RIMS4: variants seen among roughly 807,000 people sequenced by gnomAD.
The protein encoded by RIMS4 is regulating synaptic membrane exocytosis 4, also known as regulating synaptic membrane exocytosis protein 4.
RIMS4 carries 9 observed loss-of-function variants against 29.0 expected under a neutral mutation model. The observed-to-expected ratio is 0.31, with a 90% CI of 0.19 to 0.54. The LOEUF is 0.54. Ranked by LOEUF, RIMS4 falls within the 20% of genes least tolerant of loss-of-function variation. RIMS4 has a pLI of 0.94. For synonymous variants in RIMS4, 130 were observed against 152.9 expected (o/e 0.85, Z 1.10); for missense variants, 193 against 365.7 (o/e 0.53, Z 3.85).
At chr20:44,772,194 C>G (rs1195477187) in intron 1 of RIMS4, among the ~76,000 whole-genome samples, 1 of 152,154 alleles carries the variant, frequency 6.6e-6, no homozygotes, top group Non-Finnish European at 1.5e-5. Context: ...CAAACATCAT[C>G]TTATCCAAGA....
At chr20:44,771,832 C>A (rs1306180228) in intron 1 of RIMS4, among the ~76,000 whole-genome samples, 1 of 152,140 alleles carries the variant, frequency 6.6e-6, no homozygotes, top group Non-Finnish European at 1.5e-5. Flanking sequence ...GCAGTAGGGG[C>A]TGCCCTGGGC....
intron 2 of RIMS4, among the ~76,000 whole-genome samples, chr20:44,762,608 A>G (rs1299427795): frequency 6.6e-6 from 1 of 152,160 alleles, no homozygotes; most frequent in African/African-American, 2.4e-5. Flanking sequence ...AGGCCTGGTA[A>G]TTAGCGGTAA....
chr20:44,763,945 C>A (rs1325197995), intron 2 of RIMS4, among the ~76,000 whole-genome samples: 1 of 151,966 alleles, frequency 6.6e-6, no homozygotes, highest in Non-Finnish European at 1.5e-5. Flanking sequence ...TACATGCTCA[C>A]CTATCCATCC....
chr20:44,789,721 GA>G (rs2066224711), intron 1 of RIMS4, among the ~76,000 whole-genome samples: 1 of 152,144 alleles, frequency 6.6e-6, no homozygotes, highest in African/African-American at 2.4e-5. Context: ...ACATCTGGCT[GA>G]GTTTTATTTA....
At position 44,756,724 on chromosome 20, in the gene RIMS4, T is replaced by C. The variant is rs1387383336; in HGVS notation, c.591+174A>G. Among the ~76,000 whole-genome samples, 2 of 152,054 alleles carry C rather than the reference T, an allele frequency of 1.3e-5. No homozygotes were observed. Among genetic ancestry groups the C allele is most frequent in the African/African-American group, 4.8e-5 (2 of 41,410 alleles). On this transcript the variant is annotated intron_variant, in intron 5 of 5. Transcript: ENST00000372851. This position sits in a 1 kb window ranked among gnomAD's most constrained non-coding sequence, Gnocchi z 5.9. ...GGTCAGAAGGGAACTTGTTCAAAGT[T>C]GTGCAGTAAGTTGTGGAGCTCAGTT...
intron 1 of RIMS4, among the ~76,000 whole-genome samples, chr20:44,805,779 G>C (rs973322425): frequency 6.6e-6 from 1 of 152,174 alleles, no homozygotes; most frequent in Non-Finnish European, 1.5e-5. Context: ...AATAAAGGGG[G>C]AGGGGGAGAA....
rs1233888580 is a variant in RIMS4 at position 44,810,513 on chromosome 20, CGGTGGCGGCGGCGGT to C, written c.-257_-243del. ...CTGCTGGCGGCGGCGGCGGCGGCGGCGGTGGCGGCGGCGGTGGCGGCGCAGCGCGCTCTGGTCCGC... is the reference window on the plus strand; with the variant it reads ...CTGCTGGCGGCGGCGGCGGCGGCGGCGGCGGCGCAGCGCGCTCTGGTCCGC... On this transcript the variant is annotated 5_prime_UTR_variant, in exon 1 of 6. Coordinates refer to ENST00000372851, the MANE Select transcript of RIMS4 (RefSeq NM_182970.4). Among the ~76,000 whole-genome samples the C allele has an allele frequency of 7.1e-6, 1 of 141,082 alleles. No homozygotes were observed. Among genetic ancestry groups the C allele is most frequent in the Admixed American group, 7.1e-5 (1 of 14,178 alleles). 92.6% of individuals were successfully genotyped at this position (141,082 alleles called of 152,430 possible). A position where few individuals can be genotyped will look rare whatever the true frequency, so the allele number is the denominator to read the frequency against.
At chr20:44,762,748 G>A (rs999415231) in intron 2 of RIMS4, among the ~76,000 whole-genome samples, 1 of 152,180 alleles carries the variant, frequency 6.6e-6, no homozygotes, top group Non-Finnish European at 1.5e-5. Context: ...GGAGGAAGGA[G>A]GAATAAAGTG....
chr20:44,792,741 T>G (rs1185695071), intron 1 of RIMS4, among the ~76,000 whole-genome samples: 2 of 152,218 alleles, frequency 1.3e-5, no homozygotes, highest in Admixed American at 6.5e-5. Flanking sequence ...TCAGAATACC[T>G]GGCATATATG....
intron 4 of RIMS4, 100 bp downstream of exon 4, chr20:44,757,570 A>G (rs2066066086): frequency 1.0e-6 from 1 of 954,694 alleles, no homozygotes; most frequent in Admixed American, 1.8e-5. Context: ...GGGGGTCCCC[A>G]CAGTTGGGCC....
Position 44,756,160 on chromosome 20 carries a change from C to A in RIMS4, c.784G>T (p.Val262Leu). The A allele has an allele frequency of 6.2e-7, 1 of 1,611,688 alleles. No homozygotes were observed. The highest frequency in any genetic ancestry group is 8.5e-7 in the Non-Finnish European group (1 of 1,178,976). ...TAAGATCGTTCTCCGCAGGGCCCCA[C>A]GGTGCTCTCGAGGGACAACTGGGAT... ...QASQLSLEST[V>L]GPCGERS is the part of the protein sequence containing the mutation. Residue 262 changes from valine to leucine, a missense_variant, in exon 6 of 6, where the codon GTG (valine) becomes TTG (leucine). Physicochemically the swap from Val to Leu is conservative, Grantham distance 32. Transcript: ENST00000372851. The surrounding 1 kb of genome is among the most constrained non-coding windows in gnomAD (Gnocchi z 5.9).
At chr20:44,770,793 G>GA (rs2066133706) in intron 2 of RIMS4, among the ~76,000 whole-genome samples, 2 of 152,074 alleles carry the variant, frequency 1.3e-5, no homozygotes, top group African/African-American at 4.8e-5. Context: ...CGGGATTTAG[G>GA]AAACTAAAAA....
chr20:44,761,949 G>A (rs2066087227), intron 2 of RIMS4, among the ~76,000 whole-genome samples: 1 of 152,222 alleles, frequency 6.6e-6, no homozygotes, highest in Non-Finnish European at 1.5e-5. Flanking sequence ...TAACAGCACA[G>A]AGGCTATGGT....
At position 44,753,873 on chromosome 20, in the gene RIMS4, T is replaced by G. The variant is rs2066046221; in HGVS notation, c.*2261A>C. 6.6e-6 allele frequency: 1 copy of G among 152,440 alleles called. No homozygotes were observed. The highest frequency in any genetic ancestry group is 1.5e-5 in the Non-Finnish European group (1 of 68,026). The allele number at this position is 152,440 out of a possible 1,614,324, so 9.4% of individuals were successfully genotyped here. A position where few individuals can be genotyped will look rare whatever the true frequency, so the allele number is the denominator to read the frequency against. The stretch of plus-strand genomic sequence containing the variant: ...GGGGCCCTCACTGACCACCCCCAGG[T>G]GTTGTTATTGCTTCGGAGCTCTCTC... On this transcript the variant is annotated 3_prime_UTR_variant, in exon 6 of 6. Coordinates refer to ENST00000372851, the MANE Select transcript of RIMS4 (RefSeq NM_182970.4).
chr20:44,777,808 C>G (rs1369173325), intron 1 of RIMS4, among the ~76,000 whole-genome samples: 2 of 152,196 alleles, frequency 1.3e-5, no homozygotes, highest in Non-Finnish European at 2.9e-5. Context: ...AACCACTAAC[C>G]ACATCCTGGT....
At chr20:44,774,400 T>C (rs1255524994) in intron 1 of RIMS4, among the ~76,000 whole-genome samples, 1 of 152,074 alleles carries the variant, frequency 6.6e-6, no homozygotes, top group Non-Finnish European at 1.5e-5. Flanking sequence ...CCACCCTCAA[T>C]CTGGGTGGCA....
chr20:44,799,841 AAGAT>A (rs2066270262), intron 1 of RIMS4, among the ~76,000 whole-genome samples: 1 of 152,216 alleles, frequency 6.6e-6, no homozygotes, highest in African/African-American at 2.4e-5. Flanking sequence ...GGCCTCAACT[AAGAT>A]AGCCACAGTA....
intron 1 of RIMS4, among the ~76,000 whole-genome samples, chr20:44,797,902 G>A (rs1404006175): frequency 6.6e-6 from 1 of 152,186 alleles, no homozygotes; most frequent in Non-Finnish European, 1.5e-5. Flanking sequence ...CATCTAATGA[G>A]GAAATCAAAG....
chr20:44,762,879 A>C lies in RIMS4; in HGVS notation c.237-4695T>G, dbSNP rs181364523. Among the ~76,000 whole-genome samples, 217 of 152,212 alleles carry C rather than the reference A, an allele frequency of 1.4e-3. 3 individuals are homozygous for C. Among genetic ancestry groups the C allele is most frequent in the Non-Finnish European group, 5.9e-4 (40 of 68,004 alleles). On this transcript the variant is annotated intron_variant, in intron 2 of 5. Coordinates refer to ENST00000372851, the MANE Select transcript of RIMS4 (RefSeq NM_182970.4). ...TCACTAGCCAACTGCTTGCTGTGTG[A>C]CCTCTGACAAGTTGTTATTGTCTCT...
Sources: allele counts gnomAD v4.1 joint callset (sites outside exome capture counted in the v4.1 genomes callset), GRCh38; gene constraint gnomAD v4.1.1; non-coding constraint Gnocchi (gnomAD v3.1); transcripts MANE v1.5; gene names NCBI Gene and HGNC (gene_info 2026-07-23, HGNC 2026-07-21).